Variants in ACOT11 observed in about 807,000 individuals in gnomAD.
ACOT11 encodes acyl-CoA thioesterase 11.
Under a neutral mutation model 77.5 loss-of-function variants are expected in ACOT11, and 69 were observed. The ratio of observed to expected loss-of-function variants is 0.89; its 90% CI spans 0.73 to 1.09. The LOEUF (loss-of-function observed/expected upper bound fraction) is 1.09, where lower values mean the gene tolerates loss of function less well. Ranked by LOEUF, ACOT11 falls within the 50% of genes least tolerant of loss-of-function variation. The pLI is 0.00. For synonymous variants in ACOT11, 279 were observed against 313.0 expected (o/e 0.89, Z 1.15); for missense variants, 766 against 813.7 (o/e 0.94, Z 0.71).
At chr1:54,602,291 C>T (rs1244727048) in intron 9 of ACOT11, among the ~76,000 whole-genome samples, 1 of 152,246 alleles carries the variant, frequency 6.6e-6, no homozygotes, top group African/African-American at 2.4e-5. Flanking sequence ...GCCCCAGCCT[C>T]AGAGGGTTGT....
At chr1:54,563,479 A>C (rs1334873028) in intron 1 of ACOT11, among the ~76,000 whole-genome samples, 3 of 152,220 alleles carry the variant, frequency 2.0e-5, no homozygotes, top group African/African-American at 7.2e-5. Context: ...GGTGTTATGG[A>C]TATAAAGCAA....
intron 1 of ACOT11, among the ~76,000 whole-genome samples, chr1:54,568,202 TACACAG>T (rs1653803213): frequency 6.6e-6 from 1 of 152,152 alleles, no homozygotes; most frequent in Admixed American, 6.6e-5. Flanking sequence ...CCTCTTTGAT[TACACAG>T]CCTAAAGAAG....
chr1:54,593,872 G>A (rs1295831183), intron 4 of ACOT11, 69 bp from the exon 5 acceptor site: 15 of 1,334,306 alleles, frequency 1.1e-5, no homozygotes, highest in Non-Finnish European at 1.6e-5. Context: ...GTCTGGTGGA[G>A]CTGCGGGGCT....
chr1:54,587,350 T>C (rs933863232), intron 3 of ACOT11, among the ~76,000 whole-genome samples: 1 of 151,546 alleles, frequency 6.6e-6, no homozygotes, highest in African/African-American at 2.4e-5. Context: ...CTGTCTCTAC[T>C]GAAAATACAA....
intron 1 of ACOT11, among the ~76,000 whole-genome samples, chr1:54,577,478 G>A (rs1654155139): frequency 1.3e-5 from 2 of 151,248 alleles, no homozygotes; most frequent in African/African-American, 4.9e-5. Flanking sequence ...TTATGTTTAT[G>A]TCTGAATAAC....
intron 15 of ACOT11, among the ~76,000 whole-genome samples, chr1:54,615,581 G>A (rs59718689): frequency 0.013 from 1,922 of 151,980 alleles, 50 homozygotes; most frequent in African/African-American, 0.045. Flanking sequence ...AGGGTTAGGG[G>A]TTAGGATTGG....
intron 1 of ACOT11, among the ~76,000 whole-genome samples, chr1:54,582,178 A>G (rs910670902): frequency 2.0e-5 from 3 of 152,196 alleles, no homozygotes; most frequent in South Asian, 2.1e-4. Context: ...TGCAAATCCC[A>G]GGCTGAGTTA....
intron 3 of ACOT11, among the ~76,000 whole-genome samples, chr1:54,586,424 C>CTTTTT (rs58908548): frequency 7.0e-6 from 1 of 143,328 alleles, no homozygotes; most frequent in Non-Finnish European, 1.5e-5. Flanking sequence ...CTAAAGTAGA[C>CTTTTT]TTTTTTTTTT....
chr1:54,633,354 G>A (rs866823573), intron 16 of ACOT11, among the ~76,000 whole-genome samples: 2 of 152,144 alleles, frequency 1.3e-5, no homozygotes, highest in Non-Finnish European at 2.9e-5. Context: ...CAGGTAAATG[G>A]AGAATGTTAA....
At chr1:54,616,085 G>C in intron 15 of ACOT11, 1 of 1,614,134 alleles carries the variant, frequency 6.2e-7, no homozygotes, top group Non-Finnish European at 8.5e-7. Context: ...GTAGATAGTG[G>C]GGGGGTGTGC....
chr1:54,579,874 T>C (rs116698019), intron 1 of ACOT11, among the ~76,000 whole-genome samples: 1,979 of 152,360 alleles, frequency 0.013, 32 homozygotes, highest in East Asian at 0.039. Context: ...ACAGGGTTGC[T>C]GTGAGACTCT....
At chr1:54,610,447 T>G, downstream of ACOT11, 22 of 1,613,678 alleles carry the variant, frequency 1.4e-5, no homozygotes, top group Non-Finnish European at 1.9e-5. Context: ...ACCGCTGCCC[T>G]GGACGTCAGG....
intron 1 of ACOT11, among the ~76,000 whole-genome samples, chr1:54,554,351 A>ATATATATATATT (rs1553161034): frequency 1.0e-5 from 1 of 97,258 alleles, no homozygotes; most frequent in Non-Finnish European, 1.9e-5. Context: ...ATATATATAT[A>ATATATATATATT]TTTTTTTTTT....
chr1:54,549,373 T>TC (rs1652984382), intron 1 of ACOT11, among the ~76,000 whole-genome samples: 1 of 152,174 alleles, frequency 6.6e-6, no homozygotes, highest in South Asian at 2.1e-4. Flanking sequence ...CCCTCTGCTG[T>TC]CCCTGCTTCA....
In ACOT11 at chr1:54,599,388, C is replaced by A; in HGVS notation, c.857C>A (p.Ala286Asp). The A allele has an allele frequency of 2.5e-6, 4 of 1,606,786 alleles. No homozygotes were observed. Among genetic ancestry groups the A allele is most frequent in the Non-Finnish European group, 3.4e-6 (4 of 1,176,490 alleles). The change falls in exon 8 of 16, where the codon GCC becomes GAC. Residue 286 changes from alanine (A) to aspartate (D), a missense_variant. Physicochemically the swap from Ala to Asp is moderately radical, Grantham distance 126. Coordinates refer to ENST00000343744, the MANE Select transcript of ACOT11 (RefSeq NM_147161.4). ...SQVGDRLVLK[A>D]IVNNAFKHSM... ...GTCGGCGACCGTCTGGTGCTCAAAG[C>A]CATCGTGAACAATGCCTTCAAACAT...
At chr1:54,602,312 T>C (rs1275511149) in intron 9 of ACOT11, among the ~76,000 whole-genome samples, 1 of 152,256 alleles carries the variant, frequency 6.6e-6, no homozygotes, top group Non-Finnish European at 1.5e-5. Context: ...TGTAAGGATT[T>C]GGTGCAATTC....
At chr1:54,632,250 G>A (rs993034762) in intron 16 of ACOT11, among the ~76,000 whole-genome samples, 1 of 152,188 alleles carries the variant, frequency 6.6e-6, no homozygotes, top group Non-Finnish European at 1.5e-5. Context: ...AAACCGGGGC[G>A]TTTCTGGCTC....
downstream of ACOT11, chr1:54,611,868 C>T (rs934517246): frequency 9.0e-7 from 1 of 1,115,884 alleles, no homozygotes; most frequent in Admixed American, 2.2e-5. Context: ...CAGTCGCCCA[C>T]CTGCCACTTC....
chr1:54,575,769 G>A (rs1176114493), intron 1 of ACOT11, among the ~76,000 whole-genome samples: 1 of 152,222 alleles, frequency 6.6e-6, no homozygotes, highest in Non-Finnish European at 1.5e-5. Flanking sequence ...GGGGTGCTGA[G>A]GGATAAGGAG....
Sources: allele counts gnomAD v4.1 joint callset (sites outside exome capture counted in the v4.1 genomes callset), GRCh38; gene constraint gnomAD v4.1.1; transcripts MANE v1.5; gene names NCBI Gene and HGNC (gene_info 2026-07-23, HGNC 2026-07-21).